Variants in ARIH2 observed in about 807,000 individuals in gnomAD.
The protein encoded by ARIH2 is E3 ubiquitin-protein ligase ARIH2.
Under a neutral mutation model 79.8 loss-of-function variants are expected in ARIH2, and 12 were observed. That is an observed-to-expected ratio of 0.15 (90% CI 0.10 to 0.24). The LOEUF (loss-of-function observed/expected upper bound fraction) is 0.24. ARIH2 is among the 10% of genes least tolerant of loss of function. The probability of loss-of-function intolerance (pLI) is 1.00; values close to 1 mark genes in which losing one functional copy is unlikely to be tolerated. For missense variants in ARIH2, 301 were observed against 618.3 expected, an observed-to-expected ratio of 0.49 and a Z score of 5.44; for synonymous variants, 224 against 213.9, an observed-to-expected ratio of 1.05 and a Z score of -0.41.
intron 5 of ARIH2, among the ~76,000 whole-genome samples, chr3:48,965,721 G>T (rs1576450051): frequency 6.6e-6 from 1 of 152,190 alleles, no homozygotes; most frequent in Non-Finnish European, 1.5e-5. Context: ...AGCACTTTGG[G>T]GGGCCGAGGC....
chr3:48,928,050 T>C (rs1168128140), intron 3 of ARIH2: 2 of 513,092 alleles, frequency 3.9e-6, no homozygotes, highest in Non-Finnish European at 6.8e-6. Flanking sequence ...GTGGGACAGA[T>C]TCAAGAAAGA....
intron 11 of ARIH2, among the ~76,000 whole-genome samples, chr3:48,975,526 C>T (rs1426802062): frequency 6.6e-6 from 1 of 151,842 alleles, no homozygotes; most frequent in Non-Finnish European, 1.5e-5. Flanking sequence ...GGGTCTTCTA[C>T]GCAGCTGCTT....
chr3:48,963,030 G>A (rs1163148813), intron 4 of ARIH2, among the ~76,000 whole-genome samples: 4 of 152,186 alleles, frequency 2.6e-5, no homozygotes, highest in South Asian at 2.1e-4. Flanking sequence ...CACCATGCCT[G>A]GTTAATTCTT....
intron 4 of ARIH2, 85 bp downstream of exon 4, chr3:48,961,764 G>A (rs2091289434): frequency 8.0e-6 from 7 of 879,562 alleles, no homozygotes; most frequent in South Asian, 2.8e-5. Flanking sequence ...GACCATATTC[G>A]ACTATATTCC....
At chr3:48,933,234 G>A (rs1383223197) in intron 3 of ARIH2, among the ~76,000 whole-genome samples, 1 of 126,816 alleles carries the variant, frequency 7.9e-6, no homozygotes, top group Non-Finnish European at 1.6e-5. Flanking sequence ...CCACATGCCC[G>A]GGTGTGTGTG....
chr3:48,950,503 T>C (rs1436234503), intron 3 of ARIH2, among the ~76,000 whole-genome samples: 1 of 152,242 alleles, frequency 6.6e-6, no homozygotes, highest in Non-Finnish European at 1.5e-5. Flanking sequence ...AAGATTGCTT[T>C]GGATATTCTG....
intron 1 of ARIH2, chr3:48,922,462 A>T (rs573930629): frequency 6.6e-6 from 1 of 152,084 alleles, no homozygotes; most frequent in African/African-American, 2.4e-5. Flanking sequence ...CGAACTCCTG[A>T]CCTCAGGTGA....
intron 3 of ARIH2, among the ~76,000 whole-genome samples, chr3:48,942,075 G>A (rs532166376): frequency 6.7e-6 from 1 of 150,044 alleles, no homozygotes; most frequent in Non-Finnish European, 1.5e-5. Flanking sequence ...TTTTGAGGCG[G>A]AGTCTTACTC....
intron 2 of ARIH2, among the ~76,000 whole-genome samples, chr3:48,926,408 C>T (rs1174282656): frequency 6.6e-6 from 1 of 152,010 alleles, no homozygotes; most frequent in East Asian, 1.9e-4. Flanking sequence ...GCTGGGATTA[C>T]AGGTGCCTGT....
chr3:48,959,649 CAAA>C (rs71077758), intron 3 of ARIH2, among the ~76,000 whole-genome samples: 3 of 50,118 alleles, frequency 6.0e-5, no homozygotes, highest in African/African-American at 1.9e-4. Context: ...TAAAAAATAC[CAAA>C]AAAAAAAAAA....
intron 14 of ARIH2, among the ~76,000 whole-genome samples, chr3:48,982,447 T>G (rs2092784130): frequency 6.6e-6 from 1 of 152,242 alleles, no homozygotes; most frequent in African/African-American, 2.4e-5. Flanking sequence ...AGGAATATTT[T>G]TGTGCATAAA....
chr3:48,949,163 G>A (rs2089622057), intron 3 of ARIH2: 7 of 452,322 alleles, frequency 1.5e-5, no homozygotes, highest in Non-Finnish European at 3.1e-5. Context: ...TGTTGCCTAG[G>A]CTGGAGTGCA....
intron 14 of ARIH2, among the ~76,000 whole-genome samples, chr3:48,982,340 AT>A (rs1330533630): frequency 6.6e-6 from 1 of 152,186 alleles, no homozygotes; most frequent in Non-Finnish European, 1.5e-5. Context: ...GGTAAATACC[AT>A]TTTGTTAATG....
intron 3 of ARIH2, among the ~76,000 whole-genome samples, chr3:48,940,079 G>A (rs1357177819): frequency 3.9e-5 from 6 of 151,948 alleles, no homozygotes; most frequent in South Asian, 2.1e-4. Context: ...GGTGGTGGGC[G>A]CCTGTAGTCC....
intron 3 of ARIH2, among the ~76,000 whole-genome samples, chr3:48,951,484 T>A (rs960933579): frequency 6.6e-6 from 1 of 152,200 alleles, no homozygotes; most frequent in African/African-American, 2.4e-5. Flanking sequence ...GAAATGTCCC[T>A]TTCTTCTCTA....
At chr3:48,919,950 C>A (rs2084553773) in intron 1 of ARIH2, among the ~76,000 whole-genome samples, 1 of 151,114 alleles carries the variant, frequency 6.6e-6, no homozygotes, top group African/African-American at 2.4e-5. Flanking sequence ...GTCCCCTGAA[C>A]ATGTGACTTT....
intron 3 of ARIH2, among the ~76,000 whole-genome samples, chr3:48,936,469 C>T (rs965988831): frequency 1.2e-4 from 19 of 152,360 alleles, no homozygotes; most frequent in African/African-American, 4.3e-4. Flanking sequence ...CACAGTGGCT[C>T]ATGCCTGTAT....
In ARIH2 at chr3:48,918,964, G is replaced by T; in HGVS notation, c.-196G>T. On this transcript the variant is annotated 5_prime_UTR_variant, in exon 1 of 16. Coordinates refer to ENST00000356401, the MANE Select transcript of ARIH2 (RefSeq NM_006321.4). ...GGCCCGGCCTGACCCGGTCTGGCTT[G>T]TTCGGGCTCAGCGGCCGCGAGGCCG... 1 of 1,500,558 alleles carries T rather than the reference G, an allele frequency of 6.7e-7. No homozygotes were observed. The highest frequency in any genetic ancestry group is 8.8e-7 in the Non-Finnish European group (1 of 1,133,366). The allele number at this position is 1,500,558 out of a possible 1,614,324, so 93.0% of individuals were successfully genotyped here. A position where few individuals can be genotyped will look rare whatever the true frequency, so the allele number is the denominator to read the frequency against.
chr3:48,967,235 G>C lies in ARIH2; in HGVS notation c.498G>C (p.Glu166Asp). ...ACCAGTTTTGCCGCAGCTGCTGGGAGCAGCACTGCTCAGTTCTCGTCAAGG... is the reference window on the plus strand; with the variant it reads ...ACCAGTTTTGCCGCAGCTGCTGGGACCAGCACTGCTCAGTTCTCGTCAAGG... ...CQHQFCRSCWEQHCSVLVKDG... is the reference protein window; with the variant it reads ...CQHQFCRSCWDQHCSVLVKDG... Residue 166 changes from glutamate (E) to aspartate (D), a missense_variant, in exon 6 of 16, where the codon GAG (glutamate) becomes GAC (aspartate). Coordinates refer to ENST00000356401, the MANE Select transcript of ARIH2 (RefSeq NM_006321.4). 1 of 1,614,226 alleles carries C rather than the reference G, an allele frequency of 6.2e-7. No individual in the cohort carries two copies. Among genetic ancestry groups the C allele is most frequent in the Non-Finnish European group, 8.5e-7 (1 of 1,180,046 alleles).
Sources: allele counts gnomAD v4.1 joint callset (sites outside exome capture counted in the v4.1 genomes callset), GRCh38; gene constraint gnomAD v4.1.1; transcripts MANE v1.5; gene names NCBI Gene and HGNC (gene_info 2026-07-23, HGNC 2026-07-21).